Variants in VRK1 observed in about 807,000 individuals in gnomAD.
VRK1 encodes the protein VRK serine/threonine kinase 1.
A neutral mutation model predicts 57.1 loss-of-function variants in VRK1; 33 were observed. The ratio of observed to expected loss-of-function variants is 0.58; its 90% CI spans 0.44 to 0.77. The LOEUF (loss-of-function observed/expected upper bound fraction) is 0.77. VRK1 is among the 30% of genes least tolerant of loss of function. The probability of loss-of-function intolerance (pLI) is 0.00; values close to 1 mark genes in which losing one functional copy is unlikely to be tolerated. For missense variants in VRK1, 413 were observed against 477.3 expected (o/e 0.87, Z 1.25); for synonymous variants, 137 against 147.8 (o/e 0.93, Z 0.53).
At chr14:96,863,934 G>A (rs548219523) in intron 11 of VRK1, among the ~76,000 whole-genome samples, 3 of 152,118 alleles carry the variant, frequency 2.0e-5, no homozygotes, top group African/African-American at 7.2e-5. Flanking sequence ...ATTGCACCTC[G>A]TACAGCCTTT....
chr14:96,865,895 T>C lies in VRK1; in HGVS notation c.1068+5160T>C, dbSNP rs189637316. ...GTAATGATTGTTTTGTTTAGCTGTG[T>C]GGTTTCATTGTTATCCTTTTGTCTT... On this transcript the variant is annotated intron_variant, in intron 11 of 12. Transcript: ENST00000216639. 1.7e-3 allele frequency among the ~76,000 whole-genome samples: 253 copies of C among 152,202 alleles called. 1 individual carries two copies. Among genetic ancestry groups the C allele is most frequent in the Non-Finnish European group, 2.6e-3 (178 of 67,994 alleles).
At chr14:96,807,416 A>G (rs1885923057) in intron 1 of VRK1, among the ~76,000 whole-genome samples, 1 of 152,190 alleles carries the variant, frequency 6.6e-6, no homozygotes, top group Non-Finnish European at 1.5e-5. Flanking sequence ...CTTACATGGC[A>G]TGGTTTCATG....
intron 1 of VRK1, among the ~76,000 whole-genome samples, chr14:96,830,888 A>G (rs1248473740): frequency 1.3e-5 from 2 of 152,162 alleles, no homozygotes; most frequent in East Asian, 1.9e-4. Context: ...TCTTCGTATT[A>G]TCCTTGTGAT....
intron 2 of VRK1, among the ~76,000 whole-genome samples, chr14:96,835,247 T>C (rs897707273): frequency 6.6e-6 from 1 of 152,212 alleles, no homozygotes; most frequent in Admixed American, 6.5e-5. Context: ...ATTAAAAAGA[T>C]TGCTTTTGAA....
intron 12 of VRK1, among the ~76,000 whole-genome samples, chr14:96,880,360 C>A (rs1889211665): frequency 6.6e-6 from 1 of 151,992 alleles, no homozygotes; most frequent in African/African-American, 2.4e-5. Context: ...CCATGCTGTC[C>A]CTGACTCTGG....
At position 96,876,069 on chromosome 14, in the gene VRK1, G is replaced by T; in HGVS notation, c.1108G>T (p.Val370Phe). The T allele has an allele frequency of 6.2e-7, 1 of 1,613,660 alleles. No individual in the cohort carries two copies. The stretch of plus-strand genomic sequence containing the variant: ...AATTGAAGAAAGCAAGGAACCTGGT[G>T]TTGAAGATACGGAATGGTCAAACAC... The part of the protein sequence containing the change: ...KEIEESKEPG[V>F]EDTEWSNTQT... Residue 370 changes from valine to phenylalanine, a missense_variant, in exon 12 of 13, where the codon GTT becomes TTT. By Grantham distance (50) the Val-to-Phe change is conservative. This residue lies in a region of VRK1 where 146 missense variants were observed against 138.2 expected (regional missense o/e 1.06). Transcript: ENST00000216639.
At position 96,852,920 on chromosome 14, in the gene VRK1, T is replaced by A. The variant is rs1257821102; in HGVS notation, c.464T>A (p.Leu155Ter). Residue 155 changes from leucine (L) to a stop codon, truncating the protein, a stop_gained, in exon 6 of 13, where the codon TTG becomes TAG. Coordinates refer to ENST00000216639, the MANE Select transcript of VRK1 (RefSeq NM_003384.3). LOFTEE classifies it high-confidence loss of function. Reference protein sequence around the residue: ...NAKRFSRKTVLQLSLRILDIL... With the variant: ...NAKRFSRKTV ...AAAAGGTTTTCTCGGAAAACTGTCT[T>A]GCAGCTAAGCTTAAGAATTGTATGT... is the stretch of plus-strand genomic sequence containing the variant. The A allele has an allele frequency of 4.3e-6, 7 of 1,613,876 alleles. No individual in the cohort carries two copies. Among genetic ancestry groups the A allele is most frequent in the Non-Finnish European group, 5.9e-6 (7 of 1,179,842 alleles).
chr14:96,834,768 A>G (rs945752141), intron 2 of VRK1, among the ~76,000 whole-genome samples: 2 of 152,182 alleles, frequency 1.3e-5, no homozygotes, highest in Admixed American at 6.5e-5. Context: ...CCAGTGAACT[A>G]GGCTGTATCT....
chr14:96,809,141 G>C (rs958542148), intron 1 of VRK1, among the ~76,000 whole-genome samples: 6 of 152,154 alleles, frequency 3.9e-5, no homozygotes, highest in African/African-American at 1.4e-4. Context: ...TGTGGGGTCA[G>C]GAGGTTTTGG....
At chr14:96,852,306 G>A (rs555400902) in intron 5 of VRK1, among the ~76,000 whole-genome samples, 98 of 152,264 alleles carry the variant, frequency 6.4e-4, no homozygotes, top group African/African-American at 2.3e-3. Flanking sequence ...CTTGGCCATT[G>A]AGTGTTTAAT....
intron 1 of VRK1, among the ~76,000 whole-genome samples, chr14:96,801,828 T>G (rs1885674471): frequency 6.6e-6 from 1 of 152,150 alleles, no homozygotes; most frequent in African/African-American, 2.4e-5. Context: ...ATCTTAAAGG[T>G]CTTCATCCTC....
chr14:96,828,155 CTGT>C (rs35621244), intron 1 of VRK1, among the ~76,000 whole-genome samples: 52,299 of 151,878 alleles, frequency 0.34, 10,240 homozygotes, highest in East Asian at 0.84. Context: ...ATTCATTTTC[CTGT>C]TGTTGGACAT....
intron 1 of VRK1, among the ~76,000 whole-genome samples, chr14:96,833,027 C>G (rs1392831356): frequency 1.3e-5 from 2 of 152,138 alleles, no homozygotes; most frequent in African/African-American, 4.8e-5. Flanking sequence ...TGCCCCTTCC[C>G]CTTGTGCTCA....
chr14:96,827,123 T>C (rs1886826432), intron 1 of VRK1, among the ~76,000 whole-genome samples: 1 of 113,766 alleles, frequency 8.8e-6, no homozygotes, highest in African/African-American at 3.6e-5. Context: ...GGGAACTTTA[T>C]GGTGTGATGA....
At chr14:96,797,924 G>T (rs1885503832) in intron 1 of VRK1, among the ~76,000 whole-genome samples, 1 of 152,234 alleles carries the variant, frequency 6.6e-6, no homozygotes, top group South Asian at 2.1e-4. Context: ...TTAGAAACGG[G>T]ACAGGCAGTT....
chr14:96,846,456 A>G (rs1335032977), intron 4 of VRK1, among the ~76,000 whole-genome samples: 2 of 152,212 alleles, frequency 1.3e-5, no homozygotes, highest in Non-Finnish European at 2.9e-5. Flanking sequence ...ATATCAAGGT[A>G]GAGAGCCAGA....
Position 96,878,381 on chromosome 14 carries a change from C to T in VRK1, c.1159+2261C>T, listed in dbSNP as rs371114610. Among the ~76,000 whole-genome samples, 9 of 152,046 alleles carry T rather than the reference C, an allele frequency of 5.9e-5. 1 individual carries two copies. The East Asian group carries it at 7.7e-4, about 13-fold the overall frequency. On this transcript the variant is annotated intron_variant, in intron 12 of 12. Transcript: ENST00000216639. Reference sequence around the variant, plus strand: ...GGGCTTTAAGATTTTGTGTCATAAACGTGTTTCAAGAATGGTTACCTCTAA... The same window carrying T: ...GGGCTTTAAGATTTTGTGTCATAAATGTGTTTCAAGAATGGTTACCTCTAA...
At chr14:96,859,785 G>A (rs962623180) in intron 10 of VRK1, among the ~76,000 whole-genome samples, 4 of 152,158 alleles carry the variant, frequency 2.6e-5, no homozygotes, top group South Asian at 2.1e-4. Context: ...CAGTAACTGA[G>A]ACAGAGAAAA....
chr14:96,827,262 C>T (rs557364101), intron 1 of VRK1, among the ~76,000 whole-genome samples: 69 of 152,184 alleles, frequency 4.5e-4, no homozygotes, highest in African/African-American at 1.5e-3. Flanking sequence ...TTTATATACT[C>T]GAGCCAGACC....
Sources: allele counts gnomAD v4.1 joint callset (sites outside exome capture counted in the v4.1 genomes callset), GRCh38; gene constraint gnomAD v4.1.1; regional missense constraint gnomAD v4.1.1; transcripts MANE v1.5; gene names NCBI Gene and HGNC (gene_info 2026-07-23, HGNC 2026-07-21).